Variants in ELMO1 observed in about 807,000 individuals in gnomAD.
ELMO1 encodes the protein engulfment and cell motility 1, also known as engulfment and cell motility protein 1.
In ELMO1, 26 loss-of-function variants were observed where a neutral mutation model predicts 98.9. The ratio of observed to expected loss-of-function variants is 0.26; its 90% CI spans 0.19 to 0.36. The LOEUF (loss-of-function observed/expected upper bound fraction) is 0.36. Among genes scored for constraint, ELMO1 ranks in the 10% least tolerant of loss-of-function variants. ELMO1 has a pLI of 1.00. For missense variants in ELMO1, 627 were observed against 935.2 expected (o/e 0.67, Z 4.30); for synonymous variants, 346 against 346.0 (o/e 1.00, Z 0.00).
intron 4 of ELMO1, among the ~76,000 whole-genome samples, chr7:37,282,507 T>G (rs779764349): frequency 6.6e-6 from 1 of 152,174 alleles, no homozygotes; most frequent in Non-Finnish European, 1.5e-5. Flanking sequence ...CTGAGGGCAA[T>G]ATATGATACG....
Position 37,143,049 on chromosome 7 carries a change from G to T in ELMO1, c.1087-9815C>A, listed in dbSNP as rs547055422. Among the ~76,000 whole-genome samples the T allele has an allele frequency of 5.9e-5, 9 of 152,184 alleles. No homozygotes were observed. In the South Asian group the frequency reaches 1.9e-3, roughly 32 times the overall value. On this transcript the variant is annotated intron_variant, in intron 13 of 21. Transcript: ENST00000310758. ...AAAAAACAAAGTAATTGAGTTTTAG[G>T]GTTCCTTTAAAGAACTACGTGACTA...
At chr7:37,349,821 G>C (rs1018741716) in intron 1 of ELMO1, among the ~76,000 whole-genome samples, 2 of 152,166 alleles carry the variant, frequency 1.3e-5, no homozygotes, top group Non-Finnish European at 1.5e-5. Context: ...ACCGAAATAG[G>C]CTTTGGGTAA....
At chr7:36,882,258 C>A (rs948493687) in intron 18 of ELMO1, among the ~76,000 whole-genome samples, 1 of 152,188 alleles carries the variant, frequency 6.6e-6, no homozygotes, top group Non-Finnish European at 1.5e-5. Context: ...TGAATTTTCC[C>A]AAGGATAACC....
intron 16 of ELMO1, among the ~76,000 whole-genome samples, chr7:36,996,716 A>G (rs1207498524): frequency 2.0e-5 from 3 of 152,222 alleles, no homozygotes. Context: ...TCCTGTCCCC[A>G]TGGAGGGACT....
intron 6 of ELMO1, among the ~76,000 whole-genome samples, chr7:37,246,376 A>G (rs371019587): frequency 7.9e-5 from 12 of 152,212 alleles, no homozygotes; most frequent in African/African-American, 2.7e-4. Flanking sequence ...CTCCCTACAA[A>G]CTTTTCATGA....
intron 6 of ELMO1, among the ~76,000 whole-genome samples, chr7:37,255,826 T>A (rs1209990348): frequency 6.7e-6 from 1 of 148,732 alleles, no homozygotes; most frequent in African/African-American, 2.5e-5. Context: ...TAAACATTTT[T>A]ACATTTTTAT....
intron 13 of ELMO1, among the ~76,000 whole-genome samples, chr7:37,179,860 C>A (rs1035110831): frequency 1.3e-5 from 2 of 152,036 alleles, no homozygotes; most frequent in Non-Finnish European, 2.9e-5. Context: ...AGTTACACAG[C>A]GAGGTAAAGA....
chr7:37,415,189 A>C (rs951865878), intron 1 of ELMO1, among the ~76,000 whole-genome samples: 12 of 152,220 alleles, frequency 7.9e-5, no homozygotes, highest in Admixed American at 6.5e-4. Context: ...CCTTGTTGGA[A>C]TATCTCTCAC....
chr7:36,967,450 T>G (rs1451685992), intron 16 of ELMO1, among the ~76,000 whole-genome samples: 1 of 152,190 alleles, frequency 6.6e-6, no homozygotes, highest in Non-Finnish European at 1.5e-5. Flanking sequence ...CAGCGTGGCA[T>G]CAGTGCTCGT....
intron 15 of ELMO1, among the ~76,000 whole-genome samples, chr7:37,042,948 T>G (rs186760440): frequency 2.1e-3 from 320 of 152,350 alleles, no homozygotes; most frequent in East Asian, 1.7e-3. Flanking sequence ...TGTATGTTTA[T>G]TTGTTCATTG....
chr7:37,092,903 GTCTT>G (rs894734284), intron 15 of ELMO1, among the ~76,000 whole-genome samples: 4 of 149,818 alleles, frequency 2.7e-5, no homozygotes, highest in Admixed American at 6.6e-5. Flanking sequence ...TGTCTACACT[GTCTT>G]TCTTTTTCTT....
At chr7:37,049,607 T>C (rs931747719) in intron 15 of ELMO1, among the ~76,000 whole-genome samples, 2 of 151,810 alleles carry the variant, frequency 1.3e-5, no homozygotes, top group Non-Finnish European at 2.9e-5. Flanking sequence ...TATTCGTTCA[T>C]GGGATTCAAA....
chr7:37,323,672 A>G (rs1393723736), intron 2 of ELMO1, among the ~76,000 whole-genome samples: 1 of 152,210 alleles, frequency 6.6e-6, no homozygotes, highest in Non-Finnish European at 1.5e-5. Flanking sequence ...ATTCTCTACC[A>G]GCTGATTTTC....
At chr7:36,888,475 G>C (rs1047333661) in intron 17 of ELMO1, among the ~76,000 whole-genome samples, 1 of 152,120 alleles carries the variant, frequency 6.6e-6, no homozygotes, top group Admixed American at 6.5e-5. Context: ...CCTCATAGCA[G>C]TGTAAGAAGT....
At chr7:36,963,869 A>C (rs1234319669) in intron 16 of ELMO1, among the ~76,000 whole-genome samples, 1 of 152,048 alleles carries the variant, frequency 6.6e-6, no homozygotes. Context: ...AAAAGCTATA[A>C]ACCTGACTGG....
At chr7:37,279,415 G>C (rs895771404) in intron 4 of ELMO1, among the ~76,000 whole-genome samples, 1 of 152,170 alleles carries the variant, frequency 6.6e-6, no homozygotes, top group Non-Finnish European at 1.5e-5. Flanking sequence ...CAGATAGACT[G>C]CAAGGACAAA....
intron 2 of ELMO1, among the ~76,000 whole-genome samples, chr7:37,328,125 G>A (rs1489652380): frequency 2.0e-5 from 3 of 152,150 alleles, no homozygotes; most frequent in Non-Finnish European, 4.4e-5. Context: ...GCTCATGCCT[G>A]TAATCCCAAC....
intron 10 of ELMO1, among the ~76,000 whole-genome samples, chr7:37,218,892 A>C (rs186901944): frequency 2.0e-5 from 3 of 152,360 alleles, no homozygotes; most frequent in Admixed American, 2.0e-4. Flanking sequence ...TTTTTCTACC[A>C]AATCTTTTAA....
intron 15 of ELMO1, among the ~76,000 whole-genome samples, chr7:37,075,898 T>C (rs1584605603): frequency 6.6e-6 from 1 of 152,206 alleles, no homozygotes; most frequent in East Asian, 1.9e-4. Flanking sequence ...GTGTAATGCA[T>C]TCATTAATGT....
Sources: allele counts gnomAD v4.1 joint callset (sites outside exome capture counted in the v4.1 genomes callset), GRCh38; gene constraint gnomAD v4.1.1; transcripts MANE v1.5; gene names NCBI Gene and HGNC (gene_info 2026-07-23, HGNC 2026-07-21).